Variants in STXBP5L observed in about 807,000 individuals in gnomAD.
STXBP5L encodes syntaxin binding protein 5L, also known as syntaxin-binding protein 5-like.
A neutral mutation model predicts 144.5 loss-of-function variants in STXBP5L; 65 were observed. The observed-to-expected ratio is 0.45, with a 90% CI of 0.37 to 0.55. The LOEUF is 0.55. Among genes scored for constraint, STXBP5L ranks in the 20% least tolerant of loss-of-function variants. The pLI, the probability that STXBP5L is intolerant of heterozygous loss-of-function variation, is 0.00. For missense variants in STXBP5L, 1,298 were observed against 1,405.5 expected, an observed-to-expected ratio of 0.92 and a Z score of 1.22; for synonymous variants, 505 against 469.6, an observed-to-expected ratio of 1.08 and a Z score of -0.97.
At chr3:121,081,048 T>C (rs2042228058) in intron 5 of STXBP5L, among the ~76,000 whole-genome samples, 1 of 152,052 alleles carries the variant, frequency 6.6e-6, no homozygotes, top group African/African-American at 2.4e-5. Context: ...GGAGACTTTA[T>C]TTTTTTAATT....
intron 20 of STXBP5L, among the ~76,000 whole-genome samples, chr3:121,344,693 G>T (rs1479060973): frequency 6.6e-6 from 1 of 151,954 alleles, no homozygotes; most frequent in Non-Finnish European, 1.5e-5. Flanking sequence ...CCCAATAAAA[G>T]AGTTAATAAT....
At chr3:121,328,640 C>G (rs2044226331) in intron 20 of STXBP5L, among the ~76,000 whole-genome samples, 1 of 152,080 alleles carries the variant, frequency 6.6e-6, no homozygotes, top group African/African-American at 2.4e-5. Flanking sequence ...ATCCCAGCTA[C>G]TCAGGAGGCT....
chr3:121,214,775 C>T (rs1050110555), intron 10 of STXBP5L, among the ~76,000 whole-genome samples: 2 of 152,088 alleles, frequency 1.3e-5, no homozygotes, highest in Non-Finnish European at 2.9e-5. Context: ...TTTTTTGTCT[C>T]ATTGACCTGT....
At chr3:121,272,879 C>G (rs2050771371) in intron 18 of STXBP5L, among the ~76,000 whole-genome samples, 3 of 152,034 alleles carry the variant, frequency 2.0e-5, no homozygotes, top group Admixed American at 2.0e-4. Flanking sequence ...CAATTTCATT[C>G]AAAATCTCTA....
intron 5 of STXBP5L, among the ~76,000 whole-genome samples, chr3:121,086,921 A>G (rs1417577147): frequency 1.3e-5 from 2 of 152,060 alleles, no homozygotes; most frequent in Non-Finnish European, 2.9e-5. Context: ...CTCAGAACTT[A>G]TGCCCATTGT....
chr3:121,308,451 A>G (rs2043416993), intron 19 of STXBP5L, among the ~76,000 whole-genome samples: 1 of 83,238 alleles, frequency 1.2e-5, no homozygotes. Flanking sequence ...AATCTACACA[A>G]AGGAACAAAG....
intron 5 of STXBP5L, among the ~76,000 whole-genome samples, chr3:121,093,983 G>A (rs1037374787): frequency 5.9e-5 from 9 of 151,900 alleles, no homozygotes; most frequent in African/African-American, 1.2e-4. Context: ...CTTTGTTCTC[G>A]TTGGTTTCAA....
intron 3 of STXBP5L, among the ~76,000 whole-genome samples, chr3:121,001,968 C>G (rs1576623722): frequency 6.6e-6 from 1 of 152,296 alleles, no homozygotes; most frequent in East Asian, 1.9e-4. Context: ...TTGACAGACA[C>G]TTAGGTTGTT....
chr3:121,385,702 G>A (rs1016129357), intron 22 of STXBP5L, among the ~76,000 whole-genome samples: 1 of 151,880 alleles, frequency 6.6e-6, no homozygotes, highest in Non-Finnish European at 1.5e-5. Context: ...CTTCATACTG[G>A]TCATATACCA....
At chr3:121,246,237 G>A (rs186694885) in intron 14 of STXBP5L, among the ~76,000 whole-genome samples, 1 of 152,260 alleles carries the variant, frequency 6.6e-6, no homozygotes, top group African/African-American at 2.4e-5. Flanking sequence ...TAGGTTGCAC[G>A]CTTCTTATGA....
At chr3:121,205,305 T>G (rs1227991020) in intron 9 of STXBP5L, among the ~76,000 whole-genome samples, 2 of 152,172 alleles carry the variant, frequency 1.3e-5, no homozygotes, top group Non-Finnish European at 2.9e-5. Context: ...TGTTATAACA[T>G]GGTGGAAGGT....
chr3:121,304,479 T>G (rs1425900512), intron 19 of STXBP5L, among the ~76,000 whole-genome samples: 1 of 152,118 alleles, frequency 6.6e-6, no homozygotes. Flanking sequence ...ATAAAACAAG[T>G]TATAATAAAT....
intron 2 of STXBP5L, among the ~76,000 whole-genome samples, chr3:120,937,560 GTC>G (rs1358459683): frequency 6.6e-6 from 1 of 152,160 alleles, no homozygotes; most frequent in Non-Finnish European, 1.5e-5. Flanking sequence ...CTGCCTGTCT[GTC>G]TCTCTGTTTT....
intron 3 of STXBP5L, among the ~76,000 whole-genome samples, chr3:121,001,338 A>G (rs900452355): frequency 3.3e-5 from 5 of 152,244 alleles, no homozygotes; most frequent in African/African-American, 9.6e-5. Context: ...GTGGCCAGGC[A>G]GAGATCCTCG....
At chr3:121,287,657 C>T (rs1401932244) in intron 19 of STXBP5L, among the ~76,000 whole-genome samples, 3 of 151,888 alleles carry the variant, frequency 2.0e-5, no homozygotes, top group East Asian at 3.9e-4. Context: ...GGTGAAACCC[C>T]GTCTCCACTA....
rs1274852243 is a variant in STXBP5L, at chr3:121,193,145, A to C, written c.878-12778A>C. On this transcript the variant is annotated intron_variant, in intron 9 of 26. Coordinates refer to ENST00000471454, the MANE Select transcript of STXBP5L (RefSeq NM_001308330.2). ...TTACAAGAAAAAAACAAACCACCCC[A>C]TCAAAAAGTGGGCAAAGATATGAAC... 2.1e-5 allele frequency among the ~76,000 whole-genome samples: 3 copies of C among 142,836 alleles called. 1 individual carries two copies. The highest frequency in any genetic ancestry group is 7.8e-5 in the African/African-American group (3 of 38,674). The allele number at this position is 142,836 out of a possible 152,430, so 93.7% of individuals were successfully genotyped here.
intron 14 of STXBP5L, among the ~76,000 whole-genome samples, chr3:121,249,586 T>G (rs1214518663): frequency 6.6e-6 from 1 of 152,166 alleles, no homozygotes; most frequent in East Asian, 1.9e-4. Flanking sequence ...CCAGTATCCT[T>G]TTTATAGAAT....
At chr3:121,370,483 A>T (rs1022836962) in intron 20 of STXBP5L, among the ~76,000 whole-genome samples, 1 of 152,220 alleles carries the variant, frequency 6.6e-6, no homozygotes, top group Non-Finnish European at 1.5e-5. Flanking sequence ...AGAAGCCTGT[A>T]CAGCCCGAAG....
At chr3:120,938,303 T>G (rs1179908529) in intron 2 of STXBP5L, among the ~76,000 whole-genome samples, 1 of 152,172 alleles carries the variant, frequency 6.6e-6, no homozygotes, top group African/African-American at 2.4e-5. Flanking sequence ...AGAATTCTAT[T>G]AAGCATCCTG....
Sources: gnomAD v4.1 joint callset for allele counts (sites outside exome capture counted in the v4.1 genomes callset) on GRCh38, gnomAD v4.1.1 for gene constraint, MANE v1.5 for transcripts, NCBI Gene and HGNC (gene_info 2026-07-23, HGNC 2026-07-21) for gene names.